TXLNB: variants seen among roughly 807,000 people sequenced by gnomAD.
TXLNB encodes the protein beta-taxilin.
Under a neutral mutation model 57.4 loss-of-function variants are expected in TXLNB, and 37 were observed. That is an observed-to-expected ratio of 0.64 (90% CI 0.50 to 0.85). TXLNB has a LOEUF of 0.85. Ranked by LOEUF, TXLNB falls within the 40% of genes least tolerant of loss-of-function variation. The probability of loss-of-function intolerance (pLI) is 0.00; values close to 1 mark genes in which losing one functional copy is unlikely to be tolerated. For synonymous variants in TXLNB, 302 were observed against 309.6 expected, an observed-to-expected ratio of 0.98 and a Z score of 0.26; for missense variants, 848 against 825.6, an observed-to-expected ratio of 1.03 and a Z score of -0.33.
chr6:139,219,409 C>T, the TXLNB span, among the ~76,000 whole-genome samples: 1 of 152,244 alleles, frequency 6.6e-6, no homozygotes, highest in African/African-American at 2.4e-5. Context: ...TGTGCAGAAG[C>T]TGGCAGCCGC....
At chr6:139,280,305 A>G (rs1407328398) in intron 2 of TXLNB, among the ~76,000 whole-genome samples, 1 of 151,734 alleles carries the variant, frequency 6.6e-6, no homozygotes, top group Non-Finnish European at 1.5e-5. Flanking sequence ...AAAACCTGAA[A>G]TTAAAGGCAA....
the TXLNB span, among the ~76,000 whole-genome samples, chr6:139,160,722 T>G: frequency 1.3e-5 from 2 of 152,212 alleles, no homozygotes; most frequent in African/African-American, 4.8e-5. Flanking sequence ...CCATACTTAC[T>G]TATTTTCTAA....
the TXLNB span, among the ~76,000 whole-genome samples, chr6:139,192,309 G>T: frequency 6.6e-6 from 1 of 152,174 alleles, no homozygotes; most frequent in Non-Finnish European, 1.5e-5. Context: ...CAAGAAGTCA[G>T]CTCTTTAAAG....
chr6:139,240,950 T>TAG lies in TXLNB; in HGVS notation c.*1574_*1575dup, dbSNP rs1237553804. ...TTCAACTTTCAAGATAGGGTTGGGT[T>TAG]AGACATTGTTTCTTTCTTCCCTTCT... On this transcript the variant is annotated 3_prime_UTR_variant, in exon 10 of 10. Transcript: ENST00000358430. The TAG allele has an allele frequency of 2.0e-5, 3 of 152,288 alleles. No individual in the cohort carries two copies. Among genetic ancestry groups the TAG allele is most frequent in the Non-Finnish European group, 2.9e-5 (2 of 68,034 alleles). The allele number at this position is 152,288 out of a possible 1,614,324, so 9.4% of individuals were successfully genotyped here.
chr6:139,168,160 T>C, the TXLNB span, among the ~76,000 whole-genome samples: 2 of 152,238 alleles, frequency 1.3e-5, no homozygotes, highest in Non-Finnish European at 2.9e-5. Context: ...ATCGTGATTG[T>C]AAATACTGCT....
chr6:139,320,208 T>C, the TXLNB span, among the ~76,000 whole-genome samples: 2 of 152,236 alleles, frequency 1.3e-5, no homozygotes, highest in Non-Finnish European at 2.9e-5. Context: ...ACTAAGCCTA[T>C]ATGTTTTCTA....
At position 139,276,826 on chromosome 6, in the gene TXLNB, T is replaced by A; in HGVS notation, c.516+4A>T. On this transcript the variant is annotated splice_donor_region_variant and intron_variant, in intron 3 of 9. Coordinates refer to ENST00000358430, the MANE Select transcript of TXLNB (RefSeq NM_153235.4). Reference sequence around the variant, plus strand: ...TGAGAAAAGAAGCTAATCCAAGATCTTACCAATTCAGCATACTTCTTGAAT... The same window carrying A: ...TGAGAAAAGAAGCTAATCCAAGATCATACCAATTCAGCATACTTCTTGAAT... 6.2e-7 allele frequency: 1 copy of A among 1,604,542 alleles called. No individual in the cohort carries two copies. Among genetic ancestry groups the A allele is most frequent in the South Asian group, 1.1e-5 (1 of 88,982 alleles).
rs61753892 is a variant in TXLNB at position 139,242,748 on chromosome 6, G to A, written c.1833C>T (p.Ser611=). 6,991 of 1,614,012 alleles carry A rather than the reference G, an allele frequency of 4.3e-3. 228 individuals are homozygous for A. In the African/African-American group the frequency reaches 0.075, roughly 17 times the overall value. ...QASWKPEAEA[S]GQAPQAPTEA... is the part of the protein sequence containing the mutation. ...CGGTGGGAGCCTGTGGGGCCTGACC[G>A]GAAGCTTCTGCCTCTGGCTTCCAGG... Residue 611 remains serine (S), a synonymous_variant, in exon 10 of 10, where the codon TCC becomes TCT. Transcript: ENST00000358430.
the TXLNB span, among the ~76,000 whole-genome samples, chr6:139,227,772 A>C: frequency 0.015 from 2,326 of 152,354 alleles, 48 homozygotes; most frequent in African/African-American, 0.052. Context: ...GAGCAAAAGA[A>C]GCCAGACATA....
chr6:139,220,946 G>A, the TXLNB span, among the ~76,000 whole-genome samples: 9 of 152,134 alleles, frequency 5.9e-5, no homozygotes, highest in Non-Finnish European at 1.0e-4. Context: ...AAGCTGGATG[G>A]GAATTCTGCT....
At chr6:139,289,899 A>G (rs1424762892) in intron 1 of TXLNB, among the ~76,000 whole-genome samples, 1 of 152,250 alleles carries the variant, frequency 6.6e-6, no homozygotes, top group Admixed American at 6.5e-5. Context: ...TTTGATCCAT[A>G]AATCAATATT....
rs1562289375 is a variant in TXLNB at position 139,285,301 on chromosome 6, CA to C, written c.424+3174del. Reference sequence around the variant, plus strand: ...ACACACACACACACACACACACACACACACCCCAATTCTTATGTAAAAGTTT... The same window carrying C: ...ACACACACACACACACACACACACACCACCCCAATTCTTATGTAAAAGTTT... On this transcript the variant is annotated intron_variant, in intron 2 of 9. Transcript: ENST00000358430. Among the ~76,000 whole-genome samples the C allele has an allele frequency of 1.7e-3, 234 of 135,234 alleles. 20 individuals are homozygous for C. Among genetic ancestry groups the C allele is most frequent in the African/African-American group, 5.8e-3 (215 of 36,930 alleles). 88.7% of individuals were successfully genotyped at this position (135,234 alleles called of 152,430 possible).
At chr6:139,253,665 G>C (rs986114287) in intron 7 of TXLNB, among the ~76,000 whole-genome samples, 1 of 151,928 alleles carries the variant, frequency 6.6e-6, no homozygotes, top group African/African-American at 2.4e-5. Context: ...AAGTTTGAGG[G>C]GGTATAAGGG....
At chr6:139,235,776 C>T (rs55767027), downstream of TXLNB, among the ~76,000 whole-genome samples, 16,324 of 152,030 alleles carry the variant, frequency 0.11, 1,565 homozygotes, top group African/African-American at 0.26. Context: ...CAAGACCATC[C>T]GGGCCCGCCA....
At chr6:139,323,436 C>T in the TXLNB span, among the ~76,000 whole-genome samples, 1 of 151,734 alleles carries the variant, frequency 6.6e-6, no homozygotes, top group East Asian at 1.9e-4. Flanking sequence ...GTGCGTGCCA[C>T]CACGCCCAGC....
chr6:139,292,847 T>A (rs1159916265), upstream of TXLNB, among the ~76,000 whole-genome samples: 1 of 152,234 alleles, frequency 6.6e-6, no homozygotes, highest in Non-Finnish European at 1.5e-5. This position sits in a 1 kb window ranked among gnomAD's most constrained non-coding sequence, Gnocchi z 4.0. Flanking sequence ...TTTTTCTTTC[T>A]GGAGCTTGTG....
chr6:139,170,670 G>A, the TXLNB span: 4,569 of 152,332 alleles, frequency 0.03, 74 homozygotes, highest in Non-Finnish European at 0.039. Context: ...AGTGGGAAAG[G>A]AGTAGGATAG....
At chr6:139,249,935 G>A (rs569135706) in intron 7 of TXLNB, among the ~76,000 whole-genome samples, 9 of 152,090 alleles carry the variant, frequency 5.9e-5, no homozygotes, top group African/African-American at 2.2e-4. Context: ...GGGCTCTAGG[G>A]TTTTACACAC....
intron 3 of TXLNB, among the ~76,000 whole-genome samples, chr6:139,276,319 T>C (rs900523269): frequency 6.6e-6 from 1 of 152,264 alleles, no homozygotes; most frequent in African/African-American, 2.4e-5. Flanking sequence ...ATAACTTCTA[T>C]AAAAATAAAT....
Sources: allele counts gnomAD v4.1 joint callset (sites outside exome capture counted in the v4.1 genomes callset), GRCh38; gene constraint gnomAD v4.1.1; non-coding constraint Gnocchi (gnomAD v3.1); transcripts MANE v1.5; gene names NCBI Gene and HGNC (gene_info 2026-07-23, HGNC 2026-07-21).